The following AKAP6 variants were observed in gnomAD, a reference collection of about 807,000 sequenced individuals.
AKAP6 encodes the protein A-kinase anchoring protein 6, also known as A-kinase anchor protein 6.
AKAP6 carries 58 observed loss-of-function variants against 188.5 expected under a neutral mutation model. The observed-to-expected ratio is 0.31, with a 90% CI of 0.25 to 0.38. The LOEUF (loss-of-function observed/expected upper bound fraction) is 0.38, where lower values mean the gene tolerates loss of function less well. Ranked by LOEUF, AKAP6 falls within the 10% of genes least tolerant of loss-of-function variation. The pLI is 1.00. For missense variants in AKAP6, 2,710 were observed against 2,740.0 expected (o/e 0.99, Z 0.24); for synonymous variants, 989 against 998.6 (o/e 0.99, Z 0.18).
In AKAP6 at chr14:32,761,551, G is replaced by A. The variant is rs181918872; in HGVS notation, c.3373-12127G>A. 2.9e-3 allele frequency among the ~76,000 whole-genome samples: 438 copies of A among 152,226 alleles called. 2 individuals are homozygous for A. Among genetic ancestry groups the A allele is most frequent in the African/African-American group, 0.01 (424 of 41,546 alleles). ...AGCAAGAAAAATACCATGCAGCAGG[G>A]TTGAGCAAGTCATGAAACTAATTAG... On this transcript the variant is annotated intron_variant, in intron 11 of 13. Coordinates refer to ENST00000280979, the MANE Select transcript of AKAP6 (RefSeq NM_004274.5).
At chr14:32,512,507 G>A (rs1881310780) in intron 2 of AKAP6, among the ~76,000 whole-genome samples, 2 of 152,120 alleles carry the variant, frequency 1.3e-5, no homozygotes. Context: ...CAATGTTATA[G>A]GATTATTTGA....
chr14:32,812,945 C>G (rs929987525), intron 12 of AKAP6, among the ~76,000 whole-genome samples: 2 of 152,200 alleles, frequency 1.3e-5, no homozygotes, highest in Non-Finnish European at 2.9e-5. Context: ...AAGCTACTGT[C>G]TGCTCTCTGG....
Position 32,835,403 on chromosome 14 carries a change from G to C in AKAP6, c.*5598G>C, listed in dbSNP as rs576294425. On this transcript the variant is annotated 3_prime_UTR_variant, in exon 14 of 14. Transcript: ENST00000280979. ...GATTTAAATTTAGTTCACTATTACT[G>C]CCTGGCTTTGATTGATTTAGAGGGT... The C allele has an allele frequency of 6.6e-6, 1 of 152,018 alleles. No individual in the cohort carries two copies. Among genetic ancestry groups the C allele is most frequent in the Non-Finnish European group, 1.5e-5 (1 of 68,016 alleles). The allele number at this position is 152,018 out of a possible 1,614,324, so 9.4% of individuals were successfully genotyped here.
chr14:32,403,707 C>T (rs1889173968), intron 1 of AKAP6, among the ~76,000 whole-genome samples: 1 of 152,224 alleles, frequency 6.6e-6, no homozygotes. Context: ...GCATGAAAAA[C>T]ATTTAAAGCA....
In AKAP6 at chr14:32,778,470, G is replaced by GT. The variant is rs899565098; in HGVS notation, c.3588+4588dup. Among the ~76,000 whole-genome samples the GT allele has an allele frequency of 8.3e-3, 1,215 of 146,806 alleles. 14 individuals carry two copies. The highest frequency in any genetic ancestry group is 0.026 in the African/African-American group (1,064 of 40,330). On this transcript the variant is annotated intron_variant, in intron 12 of 13. Coordinates refer to ENST00000280979, the MANE Select transcript of AKAP6 (RefSeq NM_004274.5). ...GTGAGGTGGTATAATATCATTTAAA[G>GT]TTTTTTTTTTTGAAAAGAGGATTAA...
intron 1 of AKAP6, among the ~76,000 whole-genome samples, chr14:32,419,918 A>AG (rs1480146789): frequency 1.3e-5 from 2 of 152,112 alleles, no homozygotes; most frequent in African/African-American, 4.8e-5. Flanking sequence ...AAGAAAAAAA[A>AG]CAAAAAATAA....
chr14:32,422,678 CAG>C (rs767375842), intron 1 of AKAP6, among the ~76,000 whole-genome samples: 12 of 152,104 alleles, frequency 7.9e-5, no homozygotes, highest in Non-Finnish European at 1.6e-4. Flanking sequence ...TCTGTCTGGC[CAG>C]CCCTCATTCT....
intron 2 of AKAP6, among the ~76,000 whole-genome samples, chr14:32,507,445 T>C (rs888827065): frequency 6.6e-6 from 1 of 152,164 alleles, no homozygotes; most frequent in Non-Finnish European, 1.5e-5. Flanking sequence ...AATAAGGGTG[T>C]TGGAAACATC....
intron 8 of AKAP6, among the ~76,000 whole-genome samples, chr14:32,685,711 C>G (rs192362117): frequency 5.7e-5 from 7 of 123,020 alleles, no homozygotes; most frequent in Non-Finnish European, 7.9e-5. Context: ...GGCGACAGAG[C>G]GAGACTCCAT....
chr14:32,530,255 G>A (rs1189866616), intron 2 of AKAP6, among the ~76,000 whole-genome samples: 1 of 152,050 alleles, frequency 6.6e-6, no homozygotes, highest in Non-Finnish European at 1.5e-5. Context: ...TCGAACTCCT[G>A]AGTCCAAGCA....
chr14:32,762,068 G>A (rs2032558023), intron 11 of AKAP6, among the ~76,000 whole-genome samples: 1 of 152,074 alleles, frequency 6.6e-6, no homozygotes, highest in Non-Finnish European at 1.5e-5. Flanking sequence ...GTGATTGTGG[G>A]GTTTTAAGGA....
At chr14:32,404,430 G>A (rs1230431867) in intron 1 of AKAP6, among the ~76,000 whole-genome samples, 6 of 151,890 alleles carry the variant, frequency 4.0e-5, no homozygotes, top group Admixed American at 3.9e-4. Flanking sequence ...TGAGTTGACT[G>A]TCAAGCATTT....
chr14:32,794,858 AT>A (rs541473361), intron 12 of AKAP6, among the ~76,000 whole-genome samples: 56 of 151,338 alleles, frequency 3.7e-4, no homozygotes, highest in Non-Finnish European at 5.2e-4. Flanking sequence ...TCCAAGAGCT[AT>A]TTTTTTTTAA....
intron 1 of AKAP6, among the ~76,000 whole-genome samples, chr14:32,431,163 G>T (rs1282981489): frequency 2.6e-5 from 4 of 152,006 alleles, no homozygotes; most frequent in Admixed American, 2.0e-4. Flanking sequence ...GGTTTATGAA[G>T]AAGTGGTATG....
At chr14:32,594,666 G>A (rs1268728955) in intron 5 of AKAP6, among the ~76,000 whole-genome samples, 1 of 152,160 alleles carries the variant, frequency 6.6e-6, no homozygotes, top group Admixed American at 6.5e-5. Context: ...AGCTCAGAGT[G>A]GAGCCTGGGC....
chr14:32,703,119 G>A lies in AKAP6; in HGVS notation c.3000+7009G>A, dbSNP rs772159322. Among the ~76,000 whole-genome samples the A allele has an allele frequency of 1.4e-4, 21 of 152,162 alleles. No homozygotes were observed. In the South Asian group the frequency reaches 4.4e-3, roughly 32 times the overall value. On this transcript the variant is annotated intron_variant, in intron 9 of 13. Transcript: ENST00000280979. ...GAAAACTATCTGCCCTAATGCAACTGTTTAAAAAAATAAAACTTGAATAGT... is the reference window on the plus strand; with the variant it reads ...GAAAACTATCTGCCCTAATGCAACTATTTAAAAAAATAAAACTTGAATAGT...
chr14:32,531,367 T>A (rs1882406817), intron 2 of AKAP6, among the ~76,000 whole-genome samples: 1 of 152,242 alleles, frequency 6.6e-6, no homozygotes, highest in Admixed American at 6.5e-5. Context: ...TTAGTGCTGA[T>A]GATCACAGTA....
At chr14:32,559,179 C>G (rs17099285) in intron 4 of AKAP6, among the ~76,000 whole-genome samples, 10,971 of 152,156 alleles carry the variant, frequency 0.072, 526 homozygotes, top group African/African-American at 0.13. Flanking sequence ...ACTTTATTCT[C>G]TAGATCAGGG....
chr14:32,489,228 G>A (rs1879867509), intron 2 of AKAP6, among the ~76,000 whole-genome samples: 2 of 151,930 alleles, frequency 1.3e-5, no homozygotes, highest in African/African-American at 2.4e-5. Flanking sequence ...TTAATTTTTA[G>A]AGCTGCAATC....
Sources: allele counts gnomAD v4.1 joint callset (sites outside exome capture counted in the v4.1 genomes callset), GRCh38; gene constraint gnomAD v4.1.1; transcripts MANE v1.5; gene names NCBI Gene and HGNC (gene_info 2026-07-23, HGNC 2026-07-21).